The following TCF4 variants were observed in gnomAD, a reference collection of about 807,000 sequenced individuals.
TCF4 encodes the protein SL3-3 enhancer factor 2.
In TCF4, 3 loss-of-function variants were observed where a neutral mutation model predicts 82.1. The ratio of observed to expected loss-of-function variants is 0.04; its 90% CI spans 0.02 to 0.09. The LOEUF is 0.09. Among genes scored for constraint, TCF4 ranks in the 10% least tolerant of loss-of-function variants. The probability of loss-of-function intolerance (pLI) is 1.00; values close to 1 mark genes in which losing one functional copy is unlikely to be tolerated. For synonymous variants in TCF4, 276 were observed against 309.6 expected (o/e 0.89, Z 1.14); for missense variants, 518 against 852.7 (o/e 0.61, Z 4.89).
At chr18:55,411,755 T>C (rs1182092989) in intron 5 of TCF4, among the ~76,000 whole-genome samples, 1 of 152,156 alleles carries the variant, frequency 6.6e-6, no homozygotes, top group Non-Finnish European at 1.5e-5. Flanking sequence ...TTTTTTCTTT[T>C]TAAGACAGAG....
At chr18:55,563,138 T>C (rs1159805286) in intron 3 of TCF4, among the ~76,000 whole-genome samples, 2 of 150,568 alleles carry the variant, frequency 1.3e-5, no homozygotes, top group East Asian at 3.9e-4. Flanking sequence ...AGTTGGGAGG[T>C]TGAGGTGGGA....
At chr18:55,422,196 T>C (rs1471337795) in intron 5 of TCF4, 28 of 980,800 alleles carry the variant, frequency 2.9e-5, no homozygotes, top group Non-Finnish European at 3.3e-5. Context: ...TTCGACCTTA[T>C]GGGTAGCACG....
chr18:55,244,393 G>T (rs899641044), intron 15 of TCF4, among the ~76,000 whole-genome samples: 1 of 152,138 alleles, frequency 6.6e-6, no homozygotes, highest in Admixed American at 6.5e-5. Context: ...AGACTAGAGC[G>T]CCTTGGGCTC....
chr18:55,427,197 C>T (rs2095026446), intron 5 of TCF4, among the ~76,000 whole-genome samples: 1 of 152,160 alleles, frequency 6.6e-6, no homozygotes, highest in African/African-American at 2.4e-5. Flanking sequence ...CCCATTCCTT[C>T]ATTCTTCCAG....
chr18:55,254,070 G>A lies in TCF4; in HGVS notation c.1350+427C>T, dbSNP rs146138810. ...AAAATGAATAAAGCTCTAATACGTG[G>A]CAAACTGTAGAAAAACTGCAACAGT... On this transcript the variant is annotated intron_variant, in intron 15 of 19. Coordinates refer to ENST00000354452, the MANE Select transcript of TCF4 (RefSeq NM_001083962.2). Among the ~76,000 whole-genome samples, 9 of 152,250 alleles carry A rather than the reference G, an allele frequency of 5.9e-5. 1 individual carries two copies. Among genetic ancestry groups the A allele is most frequent in the African/African-American group, 9.6e-5 (4 of 41,548 alleles).
chr18:55,309,093 A>ATTT, intron 8 of TCF4, among the ~76,000 whole-genome samples: 1 of 151,252 alleles, frequency 6.6e-6, no homozygotes, highest in East Asian at 1.9e-4. Flanking sequence ...GACATCATTT[A>ATTT]TTTATTATTA....
At chr18:55,302,615 T>C (rs2068685318) in intron 8 of TCF4, 7 of 1,522,776 alleles carry the variant, frequency 4.6e-6, no homozygotes, top group Non-Finnish European at 6.1e-6. Flanking sequence ...TCATGCTGGA[T>C]ATATGAAACT....
intron 6 of TCF4, chr18:55,400,922 T>C: frequency 9.4e-6 from 12 of 1,279,690 alleles, no homozygotes; most frequent in South Asian, 1.2e-5. Flanking sequence ...GGGCACACCA[T>C]CTGAAGGTTT....
chr18:55,619,962 G>A (rs373688784), intron 2 of TCF4, among the ~76,000 whole-genome samples: 8 of 152,100 alleles, frequency 5.3e-5, no homozygotes, highest in African/African-American at 9.7e-5. Flanking sequence ...TAATCCCCAC[G>A]TGCCAAGGGA....
intron 2 of TCF4, 187 bp from the exon 3 acceptor site, chr18:55,585,539 T>G (rs2097634340): frequency 1.5e-6 from 1 of 663,378 alleles, no homozygotes; most frequent in Non-Finnish European, 2.5e-6. Context: ...CCAGCCCCCA[T>G]TATCACTCTG....
intron 15 of TCF4, among the ~76,000 whole-genome samples, chr18:55,250,754 CG>C (rs1039632347): frequency 6.6e-6 from 1 of 151,974 alleles, no homozygotes; most frequent in Admixed American, 6.6e-5. Flanking sequence ...TTACAGGGGT[CG>C]GGGGGAGAGA....
intron 2 of TCF4, among the ~76,000 whole-genome samples, chr18:55,625,542 A>G (rs951323488): frequency 5.9e-5 from 9 of 152,178 alleles, no homozygotes; most frequent in African/African-American, 1.7e-4. Flanking sequence ...CAGCCAAGCT[A>G]CAACTCTTAA....
intron 15 of TCF4, among the ~76,000 whole-genome samples, chr18:55,235,369 T>C (rs531807998): frequency 6.6e-6 from 1 of 152,334 alleles, no homozygotes; most frequent in East Asian, 1.9e-4. Flanking sequence ...ATAAAGGTTT[T>C]ATTAAACACA....
intron 2 of TCF4, among the ~76,000 whole-genome samples, chr18:55,612,955 A>G (rs1345232857): frequency 6.6e-6 from 1 of 152,106 alleles, no homozygotes; most frequent in Non-Finnish European, 1.5e-5. Flanking sequence ...CTCAAAAAAT[A>G]TATATATATT....
chr18:55,623,889 T>C (rs1403869133), intron 2 of TCF4, among the ~76,000 whole-genome samples: 1 of 152,178 alleles, frequency 6.6e-6, no homozygotes, highest in Admixed American at 6.5e-5. Flanking sequence ...CCAGAACTTA[T>C]GAGAGAGATT....
Position 55,269,866 on chromosome 18 carries a change from C to G in TCF4, c.887G>C (p.Cys296Ser). 1 of 1,613,186 alleles carries G rather than the reference C, an allele frequency of 6.2e-7. No individual in the cohort carries two copies. The highest frequency in any genetic ancestry group is 8.5e-7 in the Non-Finnish European group (1 of 1,179,474). The change falls in exon 11 of 20, where the codon TGT becomes TCT. Residue 296 changes from cysteine to serine, a missense_variant. Coordinates refer to ENST00000354452, the MANE Select transcript of TCF4 (RefSeq NM_001083962.2). ...SGTNHYSTSS[C>S]TPPANGTDSI... ...GTCTGTCCCGTTGGCAGGAGGCGTA[C>G]AGGAAGAGGTGCTGTAATGGTTTGT...
intron 2 of TCF4, among the ~76,000 whole-genome samples, chr18:55,624,867 T>C (rs1428119106): frequency 6.6e-6 from 1 of 152,198 alleles, no homozygotes; most frequent in African/African-American, 2.4e-5. Context: ...TCTTTTTAAG[T>C]ACCTCTCTGC....
rs756835781 is a variant in TCF4 at position 55,461,132 on chromosome 18, A to G, written c.208-17T>C. 6.3e-7 allele frequency: 1 copy of G among 1,591,186 alleles called. No individual in the cohort carries two copies. The highest frequency in any genetic ancestry group is 2.3e-5 in the East Asian group (1 of 44,252). On this transcript the variant is annotated splice_polypyrimidine_tract_variant and intron_variant, in intron 4 of 19. Transcript: ENST00000354452. ...TCCATAGTTCTGTAAATAAAATGAC[A>G]GTGTAAGTTATTATTTTATATTAAT...
chr18:55,597,925 GAC>G (rs2097692820), intron 2 of TCF4, among the ~76,000 whole-genome samples: 1 of 152,080 alleles, frequency 6.6e-6, no homozygotes, highest in Non-Finnish European at 1.5e-5. Flanking sequence ...TGACATTGAG[GAC>G]ACAAGACATT....
Sources: gnomAD v4.1 joint callset for allele counts (sites outside exome capture counted in the v4.1 genomes callset) on GRCh38, gnomAD v4.1.1 for gene constraint, MANE v1.5 for transcripts, NCBI Gene and HGNC (gene_info 2026-07-23, HGNC 2026-07-21) for gene names.